TMBIM6: variants seen among roughly 807,000 people sequenced by gnomAD.
The protein encoded by TMBIM6 is bax inhibitor 1.
A neutral mutation model predicts 31.4 loss-of-function variants in TMBIM6; 13 were observed. The ratio of observed to expected loss-of-function variants is 0.41; its 90% CI spans 0.27 to 0.66. TMBIM6 has a LOEUF of 0.66. Ranked by LOEUF, TMBIM6 falls within the 30% of genes least tolerant of loss-of-function variation. The pLI is 0.28. For missense variants in TMBIM6, 275 were observed against 289.5 expected, an observed-to-expected ratio of 0.95 and a Z score of 0.36; for synonymous variants, 85 against 101.7, an observed-to-expected ratio of 0.84 and a Z score of 0.99.
rs1945650286 is a variant in TMBIM6, at chr12:49,758,500, C to G, written c.433+20C>G. The stretch of plus-strand genomic sequence containing the variant: ...TGGGAGGTAAGTGTGAACTGGGAAA[C>G]AGGGAATGGGGGCTCCTTTTTAGCC... On this transcript the variant is annotated intron_variant, in intron 6 of 9. Coordinates refer to ENST00000267115, the MANE Select transcript of TMBIM6 (RefSeq NM_003217.3). 1 of 1,611,914 alleles carries G rather than the reference C, an allele frequency of 6.2e-7. No homozygotes were observed. Among genetic ancestry groups the G allele is most frequent in the Non-Finnish European group, 8.5e-7 (1 of 1,178,176 alleles).
chr12:49,742,108 G>T, intron 1 of TMBIM6: 2 of 1,603,732 alleles, frequency 1.2e-6, no homozygotes, highest in South Asian at 2.2e-5. Context: ...CCGGAGCCAA[G>T]ACTCGAGGTA....
rs1938478441 is a variant in TMBIM6, at chr12:49,758,419, C to G, written c.372C>G (p.Ile124Met). The change falls in exon 6 of 10, where the codon ATC (isoleucine) becomes ATG (methionine). Residue 124 changes from isoleucine (I) to methionine (M), a missense_variant. Ile to Met is a conservative substitution (Grantham distance 10). Coordinates refer to ENST00000267115, the MANE Select transcript of TMBIM6 (RefSeq NM_003217.3). ...CTGCTTTCATGGGCACGGCAATGAT[C>G]TTTACCTGCTTCACCCTCAGTGCAC... ...LPTAFMGTAM[I>M]FTCFTLSALY... 2 of 1,614,076 alleles carry G rather than the reference C, an allele frequency of 1.2e-6. No homozygotes were observed. The highest frequency in any genetic ancestry group is 1.7e-5 in the Admixed American group (1 of 60,000).
At chr12:49,741,976 A>C (rs1945303370) in intron 1 of TMBIM6, 3 of 1,108,512 alleles carry the variant, frequency 2.7e-6, no homozygotes, top group Non-Finnish European at 3.8e-6. Context: ...CCCTTGGCCT[A>C]GCTTCGATCG....
rs1048948344 is a variant in TMBIM6 at position 49,763,050 on chromosome 12, A to G, written c.*154A>G. ...TCCTCTATTTTGAATTTTTTGATCA[A>G]AAAACTGATTAGCAGAATATAGTTT... On this transcript the variant is annotated 3_prime_UTR_variant, in exon 10 of 10. Transcript: ENST00000267115. The G allele has an allele frequency of 6.1e-6, 5 of 820,670 alleles. No individual in the cohort carries two copies. Among genetic ancestry groups the G allele is most frequent in the African/African-American group, 3.4e-5 (2 of 58,896 alleles). The allele number at this position is 820,670 out of a possible 1,614,324, so 50.8% of individuals were successfully genotyped here. A position where few individuals can be genotyped will look rare whatever the true frequency, so the allele number is the denominator to read the frequency against.
At chr12:49,752,790 G>A (rs1431614966) in intron 2 of TMBIM6, among the ~76,000 whole-genome samples, 183 bp from the exon 3 acceptor site, 2 of 152,100 alleles carry the variant, frequency 1.3e-5, no homozygotes, top group Non-Finnish European at 2.9e-5. Context: ...AGCATTTAAG[G>A]TTCTGTTAAC....
At chr12:49,741,863 G>A (rs1325573772) in intron 1 of TMBIM6, 3 of 470,794 alleles carry the variant, frequency 6.4e-6, no homozygotes, top group Non-Finnish European at 7.5e-6. Context: ...TTTGGGGGGT[G>A]TCGAGGCCTC....
chr12:49,754,326 G>A (rs1409313414), intron 3 of TMBIM6, among the ~76,000 whole-genome samples: 1 of 152,192 alleles, frequency 6.6e-6, no homozygotes, highest in Non-Finnish European at 1.5e-5. Flanking sequence ...TAGTGCTGAA[G>A]TGCTGTCTAG....
intron 4 of TMBIM6, among the ~76,000 whole-genome samples, chr12:49,756,901 A>C (rs183326220): frequency 6.7e-6 from 1 of 149,966 alleles, no homozygotes; most frequent in African/African-American, 2.5e-5. Context: ...CACGCCAGCT[A>C]ATCTTTTGTA....
Position 49,742,193 on chromosome 12 carries a change from G to T in TMBIM6, c.-31+582G>T, listed in dbSNP as rs760624458. 3.1e-6 allele frequency: 5 copies of T among 1,613,108 alleles called. No homozygotes were observed. The South Asian group carries it at 5.5e-5, about 18-fold the overall frequency. The stretch of plus-strand genomic sequence containing the variant: ...CTCAGTTACTTAGCCAACGGCAGAG[G>T]CGGGAAGTGAGAGGAGTCTGGGGCT... On this transcript the variant is annotated intron_variant, in intron 1 of 9. Transcript: ENST00000267115.
In TMBIM6 at chr12:49,758,227, G is replaced by C. The variant is rs768100104; in HGVS notation, c.287G>C (p.Gly96Ala). ...GLLAGFAFLTGVGLGPALEFC... is the reference protein window; with the variant it reads ...GLLAGFAFLTAVGLGPALEFC... Reference sequence around the variant, plus strand: ...GTGTTCTGGGTTTTCTGTTTTCTAGGAGTTGGCCTGGGCCCTGCCCTGGAG... The same window carrying C: ...GTGTTCTGGGTTTTCTGTTTTCTAGCAGTTGGCCTGGGCCCTGCCCTGGAG... The change falls in exon 5 of 10, where the codon GGA (glycine) becomes GCA (alanine). Residue 96 changes from glycine (G) to alanine (A), a missense_variant and splice_region_variant. Gly to Ala is a moderately conservative substitution (Grantham distance 60). Transcript: ENST00000267115. 2 of 1,614,258 alleles carry C rather than the reference G, an allele frequency of 1.2e-6. No individual in the cohort carries two copies. The highest frequency in any genetic ancestry group is 1.1e-5 in the South Asian group (1 of 91,090).
rs1945789644 is a variant in TMBIM6, at chr12:49,764,844, T to C, written c.*1948T>C. On this transcript the variant is annotated 3_prime_UTR_variant, in exon 10 of 10. Transcript: ENST00000267115. ...TCAGCTCAGGCTGCATTCTAACTCA[T>C]ACTGTGAAGACAAAGGTGTTTTTGA... The C allele has an allele frequency of 6.6e-6, 1 of 152,238 alleles. No individual in the cohort carries two copies. Among genetic ancestry groups the C allele is most frequent in the Non-Finnish European group, 1.5e-5 (1 of 68,042 alleles). The allele number at this position is 152,238 out of a possible 1,614,324, so 9.4% of individuals were successfully genotyped here.
chr12:49,753,273 C>T (rs993952893), intron 3 of TMBIM6, among the ~76,000 whole-genome samples, 192 bp downstream of exon 3: 2 of 152,134 alleles, frequency 1.3e-5, no homozygotes, highest in East Asian at 1.9e-4. Context: ...CTCTAGATAC[C>T]GAAAAACAGA....
At chr12:49,762,128 A>G (rs937004481) in intron 9 of TMBIM6, 11 of 230,936 alleles carry the variant, frequency 4.8e-5, no homozygotes, top group Non-Finnish European at 9.3e-5. Flanking sequence ...AATTTTATCC[A>G]TTTGTTAATT....
At chr12:49,761,950 C>A in intron 9 of TMBIM6, 171 bp downstream of exon 9, 3 of 627,502 alleles carry the variant, frequency 4.8e-6, no homozygotes, top group South Asian at 2.8e-5. Context: ...AGAAAAAAAG[C>A]AGCAAGTGAA....
intron 1 of TMBIM6, among the ~76,000 whole-genome samples, chr12:49,744,207 T>C (rs570341267): frequency 6.6e-5 from 10 of 152,352 alleles, no homozygotes; most frequent in East Asian, 1.9e-4. Context: ...TATATAAATA[T>C]AGTCAGGAGT....
intron 1 of TMBIM6, chr12:49,744,521 G>T (rs1009496797): frequency 1.3e-5 from 2 of 152,144 alleles, no homozygotes; most frequent in Non-Finnish European, 2.9e-5. Context: ...TGACTTAAAG[G>T]TTACCTAAGT....
At chr12:49,747,381 T>G (rs9805063) in intron 1 of TMBIM6, among the ~76,000 whole-genome samples, 18,067 of 152,196 alleles carry the variant, frequency 0.12, 1,649 homozygotes, top group African/African-American at 0.26. Context: ...TGATGATGGC[T>G]CACTGCAGCC....
Position 49,758,395 on chromosome 12 carries a change from T to C in TMBIM6, c.348T>C (p.Thr116=), listed in dbSNP as rs776766121. ...TTTTTTCTAACAGCATCCTTCCCAC[T>C]GCTTTCATGGGCACGGCAATGATCT... ...CIAVNPSILP[T]AFMGTAMIFT... Residue 116 remains threonine, a synonymous_variant, in exon 6 of 10, where the codon ACT becomes ACC. Transcript: ENST00000267115. 9.9e-6 allele frequency: 16 copies of C among 1,614,228 alleles called. No individual in the cohort carries two copies. The South Asian group carries it at 1.8e-4, about 18-fold the overall frequency.
intron 1 of TMBIM6, 137 bp downstream of exon 1, chr12:49,741,748 G>A (rs1216975204): frequency 4.3e-6 from 1 of 232,636 alleles, no homozygotes; most frequent in Non-Finnish European, 8.7e-6. Flanking sequence ...CCTGCTCGGA[G>A]ACCAGACTCG....
Sources: gnomAD v4.1 joint callset for allele counts (sites outside exome capture counted in the v4.1 genomes callset) on GRCh38, gnomAD v4.1.1 for gene constraint, MANE v1.5 for transcripts, NCBI Gene and HGNC (gene_info 2026-07-23, HGNC 2026-07-21) for gene names.